COL5A2: variants seen among roughly 807,000 people sequenced by gnomAD.
The protein encoded by COL5A2 is collagen alpha-2(V) chain.
In COL5A2, 23 loss-of-function variants were observed where a neutral mutation model predicts 208.2. The observed-to-expected ratio is 0.11, with a 90% confidence interval of 0.08 to 0.16. The LOEUF (loss-of-function observed/expected upper bound fraction) is 0.16. Among genes scored for constraint, COL5A2 ranks in the 10% least tolerant of loss-of-function variants. The probability of loss-of-function intolerance (pLI) is 1.00; values close to 1 mark genes in which losing one functional copy is unlikely to be tolerated. For missense variants in COL5A2, 1,590 were observed against 1,956.4 expected, an observed-to-expected ratio of 0.81 and a Z score of 3.53; for synonymous variants, 625 against 628.5, an observed-to-expected ratio of 0.99 and a Z score of 0.08.
chr2:189,194,283 A>ATTTTC (rs1307712745), intron 1 of COL5A2, among the ~76,000 whole-genome samples: 8 of 152,204 alleles, frequency 5.3e-5, no homozygotes, highest in Non-Finnish European at 1.2e-4. Flanking sequence ...CAAGTTTACC[A>ATTTTC]AAGTAGCACA....
At chr2:189,113,924 A>T (rs1348917461) in intron 1 of COL5A2, among the ~76,000 whole-genome samples, 2 of 152,078 alleles carry the variant, frequency 1.3e-5, no homozygotes, top group Admixed American at 1.3e-4. Context: ...GAATAAAAAG[A>T]CACATTGTCT....
At chr2:189,138,196 G>A (rs1456670257) in intron 1 of COL5A2, among the ~76,000 whole-genome samples, 3 of 151,976 alleles carry the variant, frequency 2.0e-5, no homozygotes, top group Non-Finnish European at 2.9e-5. Flanking sequence ...GGCTGATCTC[G>A]AACTCCTGAC....
At chr2:189,045,349 T>C (rs1685643896) in intron 46 of COL5A2, 117 bp from the exon 47 acceptor site, 2 of 651,478 alleles carry the variant, frequency 3.1e-6, no homozygotes, top group Admixed American at 2.8e-5. Flanking sequence ...TATGTGTGTG[T>C]GTGTGTGTGT....
At chr2:189,358,526 C>A in the COL5A2 span, among the ~76,000 whole-genome samples, 1 of 152,030 alleles carries the variant, frequency 6.6e-6, no homozygotes, top group Admixed American at 6.6e-5. Context: ...CAGCTTTGTT[C>A]TTTTTGCTCA....
the COL5A2 span, among the ~76,000 whole-genome samples, chr2:189,324,268 G>A: frequency 6.6e-6 from 1 of 152,182 alleles, no homozygotes; most frequent in South Asian, 2.1e-4. Context: ...AGGATTTCAT[G>A]TCTAAAACAC....
chr2:189,235,004 T>C, the COL5A2 span, among the ~76,000 whole-genome samples: 4 of 151,882 alleles, frequency 2.6e-5, no homozygotes, highest in South Asian at 8.3e-4. Context: ...TAAAACATTA[T>C]TGAGATATTA....
intron 1 of COL5A2, among the ~76,000 whole-genome samples, chr2:189,213,799 T>C (rs995477547): frequency 6.6e-6 from 1 of 151,532 alleles, no homozygotes; most frequent in Non-Finnish European, 1.5e-5. Context: ...GTAAGGAGAG[T>C]CCCTGGATAT....
chr2:189,410,498 C>T, the COL5A2 span, among the ~76,000 whole-genome samples: 69 of 151,940 alleles, frequency 4.5e-4, no homozygotes, highest in South Asian at 0.013. Flanking sequence ...CCCAGGAGTT[C>T]GAGGCTGCAA....
At chr2:189,236,956 A>T in the COL5A2 span, among the ~76,000 whole-genome samples, 1 of 151,750 alleles carries the variant, frequency 6.6e-6, no homozygotes, top group Non-Finnish European at 1.5e-5. Context: ...AATCACAAAG[A>T]TTTTATTCTC....
intron 12 of COL5A2, among the ~76,000 whole-genome samples, chr2:189,082,341 T>G (rs1686553566): frequency 6.6e-6 from 1 of 152,202 alleles, no homozygotes; most frequent in African/African-American, 2.4e-5. Flanking sequence ...GTTATCACAG[T>G]AGGGGTAAAA....
chr2:189,301,013 C>G, the COL5A2 span, among the ~76,000 whole-genome samples: 7 of 151,978 alleles, frequency 4.6e-5, no homozygotes, highest in Admixed American at 4.6e-4. Context: ...ATGGAGGAAC[C>G]CTGTCTCTAC....
the COL5A2 span, among the ~76,000 whole-genome samples, chr2:189,263,557 T>C: frequency 6.6e-6 from 1 of 152,136 alleles, no homozygotes; most frequent in Non-Finnish European, 1.5e-5. Context: ...GCCAGTCACA[T>C]AAAAGTGTAG....
rs769708143 is a variant in COL5A2 at position 189,053,477 on chromosome 2, C to T, written c.2500G>A (p.Gly834Ser). ...GTTGGCCCATTTTCACCTCGAGAAC[C>T]CTAGGAGGAGACAAAGATTACTGTA... ...VGPPGSRGNP[G>S]SRGENGPTGA... Residue 834 changes from glycine to serine, a missense_variant and splice_region_variant, in exon 38 of 54, where the codon GGT becomes AGT. By Grantham distance (56) the Gly-to-Ser change is moderately conservative. Transcript: ENST00000374866. 6.2e-7 allele frequency: 1 copy of T among 1,613,418 alleles called. No individual in the cohort carries two copies. The highest frequency in any genetic ancestry group is 1.1e-5 in the South Asian group (1 of 91,056).
At chr2:189,374,257 T>C in the COL5A2 span, among the ~76,000 whole-genome samples, 1 of 152,112 alleles carries the variant, frequency 6.6e-6, no homozygotes, top group Non-Finnish European at 1.5e-5. Flanking sequence ...TTAATTATTG[T>C]TTTTTGCATA....
At chr2:189,274,919 G>A in the COL5A2 span, among the ~76,000 whole-genome samples, 13 of 152,082 alleles carry the variant, frequency 8.5e-5, no homozygotes, top group Non-Finnish European at 1.8e-4. Flanking sequence ...GGCAATAGTT[G>A]AATGAGCACA....
the COL5A2 span, among the ~76,000 whole-genome samples, chr2:189,322,996 G>C: frequency 2.6e-5 from 1 of 38,166 alleles, no homozygotes; most frequent in East Asian, 5.1e-4. Flanking sequence ...CTTCATCCCT[G>C]GGATGCAAGC....
chr2:189,227,241 T>C (rs115959471), upstream of COL5A2, among the ~76,000 whole-genome samples: 990 of 152,092 alleles, frequency 6.5e-3, 10 homozygotes, highest in African/African-American at 0.022. Context: ...TCTCCAGAAA[T>C]TGACCCTAAA....
chr2:189,254,940 T>C, the COL5A2 span, among the ~76,000 whole-genome samples: 1 of 152,214 alleles, frequency 6.6e-6, no homozygotes, highest in Non-Finnish European at 1.5e-5. Flanking sequence ...TCTATTCTGC[T>C]ACCCACAAGT....
At chr2:189,059,960 CA>C (rs1206922656) in intron 31 of COL5A2, among the ~76,000 whole-genome samples, 2 of 152,016 alleles carry the variant, frequency 1.3e-5, no homozygotes, top group African/African-American at 4.8e-5. Flanking sequence ...CCTCCATAAT[CA>C]GGCCCCTGAG....
Sources: allele counts gnomAD v4.1 joint callset (sites outside exome capture counted in the v4.1 genomes callset), GRCh38; gene constraint gnomAD v4.1.1; transcripts MANE v1.5; gene names NCBI Gene and HGNC (gene_info 2026-07-23, HGNC 2026-07-21).